Variants in MTX2 observed in about 807,000 individuals in gnomAD.
MTX2 encodes metaxin 2, also known as metaxin-2.
In MTX2, 35 loss-of-function variants were observed where a neutral mutation model predicts 42.3. That is an observed-to-expected ratio of 0.83 (90% CI 0.63 to 1.10). MTX2 has a LOEUF of 1.10. Ranked by LOEUF, MTX2 falls within the 50% of genes least tolerant of loss-of-function variation. The probability of loss-of-function intolerance (pLI) is 0.00; values close to 1 mark genes in which losing one functional copy is unlikely to be tolerated. For missense variants in MTX2, 307 were observed against 304.1 expected, an observed-to-expected ratio of 1.01 and a Z score of -0.07; for synonymous variants, 119 against 100.9, an observed-to-expected ratio of 1.18 and a Z score of -1.08.
intron 1 of MTX2, among the ~76,000 whole-genome samples, chr2:176,276,613 G>A (rs146977927): frequency 2.0e-5 from 3 of 151,990 alleles, no homozygotes; most frequent in Non-Finnish European, 2.9e-5. Context: ...ATCTAGTATA[G>A]GGTGGTAGAT....
At position 176,329,511 on chromosome 2, in the gene MTX2, T is replaced by A. The variant is rs768909446; in HGVS notation, c.543+85T>A. On this transcript the variant is annotated intron_variant, in intron 8 of 9. Coordinates refer to ENST00000249442, the MANE Select transcript of MTX2 (RefSeq NM_006554.5). ...TTATATTGATACTCCTTTAAAAAAATATATATAAGATTTGCAAGAAAACCA... is the reference window on the plus strand; with the variant it reads ...TTATATTGATACTCCTTTAAAAAAAAATATATAAGATTTGCAAGAAAACCA... 1.1e-5 allele frequency: 14 copies of A among 1,274,152 alleles called. No individual in the cohort carries two copies. In the South Asian group the frequency reaches 1.4e-4, roughly 13 times the overall value. The allele number at this position is 1,274,152 out of a possible 1,614,324, so 78.9% of individuals were successfully genotyped here.
intron 3 of MTX2, among the ~76,000 whole-genome samples, chr2:176,313,861 G>A (rs1253668186): frequency 5.3e-5 from 8 of 152,024 alleles, no homozygotes; most frequent in Non-Finnish European, 7.4e-5. Context: ...AAATGTGCTG[G>A]TGGTTGCCCA....
At chr2:176,303,188 C>G (rs186944726) in intron 3 of MTX2, among the ~76,000 whole-genome samples, 127 of 151,978 alleles carry the variant, frequency 8.4e-4, no homozygotes, top group African/African-American at 2.9e-3. Context: ...CATGAGTGGA[C>G]ATATTTTAAT....
At chr2:176,287,311 A>C (rs1012931319) in intron 1 of MTX2, among the ~76,000 whole-genome samples, 1 of 152,194 alleles carries the variant, frequency 6.6e-6, no homozygotes, top group Non-Finnish European at 1.5e-5. Context: ...TTACTTTCTG[A>C]AGTAAGATGT....
intron 1 of MTX2, among the ~76,000 whole-genome samples, chr2:176,296,466 A>G (rs1314679938): frequency 6.6e-6 from 1 of 152,150 alleles, no homozygotes; most frequent in Non-Finnish European, 1.5e-5. Context: ...TTATTTCACT[A>G]CAATTTTTTG....
At chr2:176,299,099 T>A (rs570221485) in intron 3 of MTX2, among the ~76,000 whole-genome samples, 19 of 152,128 alleles carry the variant, frequency 1.2e-4, no homozygotes, top group Non-Finnish European at 2.5e-4. Context: ...AGCTCTTTAG[T>A]ACTCCCCCTA....
chr2:176,312,466 T>C (rs1684338356), intron 3 of MTX2, among the ~76,000 whole-genome samples: 1 of 152,192 alleles, frequency 6.6e-6, no homozygotes, highest in African/African-American at 2.4e-5. Context: ...TTCACAAACC[T>C]CTATATCAAT....
chr2:176,329,286 A>T lies in MTX2; in HGVS notation c.418-15A>T, dbSNP rs1684796820. The T allele has an allele frequency of 1.9e-6, 3 of 1,579,658 alleles. No homozygotes were observed. The highest frequency in any genetic ancestry group is 2.6e-6 in the Non-Finnish European group (3 of 1,166,018). On this transcript the variant is annotated splice_polypyrimidine_tract_variant and intron_variant, in intron 7 of 9. Coordinates refer to ENST00000249442, the MANE Select transcript of MTX2 (RefSeq NM_006554.5). The stretch of plus-strand genomic sequence containing the variant: ...TAGGAAGGATCACCTTTTTTACAAA[A>T]TCTTTTTACTTTAGATCACTCATGC...
chr2:176,313,786 A>C (rs1021231251), intron 3 of MTX2, among the ~76,000 whole-genome samples: 10 of 152,258 alleles, frequency 6.6e-5, no homozygotes, highest in Middle Eastern at 6.8e-3. Flanking sequence ...TCACTTAGGT[A>C]ACTTGCTTTC....
chr2:176,290,748 G>GTTT (rs575119364), intron 1 of MTX2, among the ~76,000 whole-genome samples: 3 of 134,432 alleles, frequency 2.2e-5, no homozygotes, highest in African/African-American at 2.7e-5. Flanking sequence ...GGAATAACTA[G>GTTT]TTTTTTTTTT....
At chr2:176,334,890 G>A (rs1420545760) in intron 9 of MTX2, among the ~76,000 whole-genome samples, 1 of 151,918 alleles carries the variant, frequency 6.6e-6, no homozygotes, top group Admixed American at 6.6e-5. Context: ...GGTATGAGAA[G>A]TGTGTCACCT....
rs531197254 is a variant in MTX2 at position 176,321,649 on chromosome 2, A to G, written c.136-1743A>G. On this transcript the variant is annotated intron_variant, in intron 3 of 9. Transcript: ENST00000249442. The stretch of plus-strand genomic sequence containing the variant: ...TGCTATAGCTATAGCCATCCTTTTT[A>G]CATTCTAGTCAACAGGGAGGAAAAA... 2.6e-5 allele frequency among the ~76,000 whole-genome samples: 4 copies of G among 152,078 alleles called. No homozygotes were observed. The South Asian group carries it at 8.3e-4, about 31-fold the overall frequency.
intron 1 of MTX2, among the ~76,000 whole-genome samples, chr2:176,271,531 C>T (rs1692806542): frequency 6.6e-6 from 1 of 152,114 alleles, no homozygotes; most frequent in Non-Finnish European, 1.5e-5. Flanking sequence ...TATAGATGGA[C>T]AGTGAACAGA....
intron 9 of MTX2, among the ~76,000 whole-genome samples, chr2:176,336,993 G>GA (rs1251580253): frequency 3.3e-5 from 5 of 152,140 alleles, no homozygotes; most frequent in Middle Eastern, 6.8e-3. Flanking sequence ...GAGAAAGAAA[G>GA]AAAAAATGGT....
chr2:176,317,038 T>TA (rs1225860273), intron 3 of MTX2, among the ~76,000 whole-genome samples: 5,023 of 144,248 alleles, frequency 0.035, 232 homozygotes, highest in African/African-American at 0.11. Flanking sequence ...GTGTCTTTTT[T>TA]AAAAAAAAAA....
At chr2:176,303,816 A>G (rs1179417166) in intron 3 of MTX2, among the ~76,000 whole-genome samples, 1 of 152,040 alleles carries the variant, frequency 6.6e-6, no homozygotes, top group Non-Finnish European at 1.5e-5. Flanking sequence ...AATAATGTAA[A>G]ATGTTTTTAA....
chr2:176,285,292 G>A (rs983613375), intron 1 of MTX2, among the ~76,000 whole-genome samples: 45 of 152,126 alleles, frequency 3.0e-4, no homozygotes, highest in African/African-American at 1.1e-3. Context: ...TACATGTACA[G>A]TAAGTGCAAT....
chr2:176,328,962 C>G, intron 7 of MTX2, 50 bp downstream of exon 7: 3 of 1,488,634 alleles, frequency 2.0e-6, no homozygotes, highest in East Asian at 2.3e-5. Flanking sequence ...TGAGAAAACA[C>G]TTTTGCTCAG....
intron 9 of MTX2, among the ~76,000 whole-genome samples, chr2:176,334,231 A>G (rs1053663661): frequency 6.6e-6 from 1 of 151,872 alleles, no homozygotes; most frequent in Non-Finnish European, 1.5e-5. Flanking sequence ...GCCTTCATTT[A>G]TTAATAAAGG....
Sources: gnomAD v4.1 joint callset for allele counts (sites outside exome capture counted in the v4.1 genomes callset) on GRCh38, gnomAD v4.1.1 for gene constraint, MANE v1.5 for transcripts, NCBI Gene and HGNC (gene_info 2026-07-23, HGNC 2026-07-21) for gene names.